LRP1B: variants seen among roughly 807,000 people sequenced by gnomAD.
LRP1B encodes LDL receptor related protein 1B.
LRP1B carries 217 observed loss-of-function variants against 556.6 expected under a neutral mutation model. The observed-to-expected ratio is 0.39, with a 90% CI of 0.35 to 0.44. The LOEUF (loss-of-function observed/expected upper bound fraction) is 0.44. Among genes scored for constraint, LRP1B ranks in the 20% least tolerant of loss-of-function variants. The pLI is 1.00. For missense variants in LRP1B, 5,053 were observed against 5,620.8 expected, an observed-to-expected ratio of 0.90 and a Z score of 3.23; for synonymous variants, 2,047 against 1,865.8, an observed-to-expected ratio of 1.10 and a Z score of -2.50.
chr2:140,849,445 AT>A (rs1692388905), intron 29 of LRP1B, among the ~76,000 whole-genome samples: 1 of 151,804 alleles, frequency 6.6e-6, no homozygotes, highest in Non-Finnish European at 1.5e-5. Flanking sequence ...GTCCTTCCTA[AT>A]ATCCTATATT....
At chr2:140,541,702 C>T in intron 44 of LRP1B, 77 bp downstream of exon 44, 1 of 1,103,570 alleles carries the variant, frequency 9.1e-7, no homozygotes, top group Non-Finnish European at 1.3e-6. Flanking sequence ...CCAACTATTA[C>T]TAGAAAACAT....
chr2:141,824,848 C>A (rs866816868), intron 1 of LRP1B, among the ~76,000 whole-genome samples: 9 of 152,096 alleles, frequency 5.9e-5, no homozygotes, highest in Middle Eastern at 3.2e-3. Flanking sequence ...AATCTCATCT[C>A]GAATTGTAAT....
Position 140,909,845 on chromosome 2 carries a change from G to A in LRP1B, c.3320-1768C>T, listed in dbSNP as rs187155997. Among the ~76,000 whole-genome samples the A allele has an allele frequency of 1.7e-3, 261 of 150,614 alleles. 1 individual carries two copies. The highest frequency in any genetic ancestry group is 5.7e-3 in the African/African-American group (234 of 41,338). On this transcript the variant is annotated intron_variant, in intron 21 of 90. Transcript: ENST00000389484. ...TAGAGAGCATATACTAGAAGAAAAG[G>A]CCAATTAAAATTTTATCATAAAAAA... is the stretch of plus-strand genomic sequence containing the variant.
intron 41 of LRP1B, among the ~76,000 whole-genome samples, chr2:140,652,488 T>C (rs1050214421): frequency 1.3e-5 from 2 of 152,074 alleles, no homozygotes; most frequent in African/African-American, 4.8e-5. Context: ...ATTCTGGATA[T>C]TTTTAATATT....
At chr2:140,725,824 C>T (rs1406773139) in intron 35 of LRP1B, among the ~76,000 whole-genome samples, 1 of 152,104 alleles carries the variant, frequency 6.6e-6, no homozygotes, top group Non-Finnish European at 1.5e-5. Context: ...TCTTCTTCTT[C>T]ATCTCAATTT....
At chr2:142,069,255 G>A (rs1705224947) in intron 1 of LRP1B, among the ~76,000 whole-genome samples, 1 of 151,608 alleles carries the variant, frequency 6.6e-6, no homozygotes, top group South Asian at 2.1e-4. Context: ...GAAGTTTGAA[G>A]AGAATTTTAC....
chr2:141,148,865 C>T (rs924398293), intron 7 of LRP1B, among the ~76,000 whole-genome samples: 19 of 152,246 alleles, frequency 1.2e-4, no homozygotes, highest in African/African-American at 4.6e-4. Context: ...AGGCGGATCA[C>T]TTGAGGTTGG....
intron 14 of LRP1B, among the ~76,000 whole-genome samples, chr2:141,008,119 C>G (rs1410102751): frequency 6.6e-6 from 1 of 150,962 alleles, no homozygotes; most frequent in Non-Finnish European, 1.5e-5. Context: ...TAAAAATATC[C>G]TCTTTAAAAC....
chr2:140,741,368 A>T (rs560361556), intron 35 of LRP1B, among the ~76,000 whole-genome samples: 1 of 152,304 alleles, frequency 6.6e-6, no homozygotes, highest in South Asian at 2.1e-4. Flanking sequence ...AACTGAACAG[A>T]AACACTTAGA....
chr2:140,882,163 T>G (rs754806075), intron 25 of LRP1B, among the ~76,000 whole-genome samples: 34 of 152,204 alleles, frequency 2.2e-4, no homozygotes, highest in Non-Finnish European at 4.9e-4. Context: ...TTTCCCTTGC[T>G]GACACAACTT....
At chr2:141,676,943 G>A (rs530172415) in intron 2 of LRP1B, among the ~76,000 whole-genome samples, 60 of 152,128 alleles carry the variant, frequency 3.9e-4, no homozygotes, top group African/African-American at 1.4e-3. Flanking sequence ...AGAGATATGA[G>A]TTCTGTTTTT....
intron 3 of LRP1B, among the ~76,000 whole-genome samples, chr2:141,280,373 C>T (rs1478983966): frequency 1.3e-5 from 2 of 151,954 alleles, no homozygotes; most frequent in African/African-American, 2.4e-5. Flanking sequence ...TTTGATGTCC[C>T]TAACATTTAT....
At position 141,870,695 on chromosome 2, in the gene LRP1B, T is replaced by C. The variant is rs547820491; in HGVS notation, c.83-60294A>G. On this transcript the variant is annotated intron_variant, in intron 1 of 90. Coordinates refer to ENST00000389484, the MANE Select transcript of LRP1B (RefSeq NM_018557.3). ...AATTAAGCACAAATCCAACTTTTCT[T>C]ATATTTGCTGTAGGAGTCATAGGAT... 4.6e-5 allele frequency among the ~76,000 whole-genome samples: 7 copies of C among 152,032 alleles called. No homozygotes were observed. In the South Asian group the frequency reaches 6.2e-4, roughly 13 times the overall value.
Position 140,517,505 on chromosome 2 carries a change from A to T in LRP1B, c.8027-494T>A, listed in dbSNP as rs181497759. On this transcript the variant is annotated intron_variant, in intron 49 of 90. Coordinates refer to ENST00000389484, the MANE Select transcript of LRP1B (RefSeq NM_018557.3). The stretch of plus-strand genomic sequence containing the variant: ...CCATCTATTTGGAGTATTCCTTAAC[A>T]GGATTTAAACAATTATTCTGTATTT... Among the ~76,000 whole-genome samples, 20 of 152,186 alleles carry T rather than the reference A, an allele frequency of 1.3e-4. 1 individual carries two copies. The highest frequency in any genetic ancestry group is 1.0e-3 in the Admixed American group (16 of 15,266).
intron 45 of LRP1B, among the ~76,000 whole-genome samples, chr2:140,539,334 G>A (rs191164046): frequency 6.6e-6 from 1 of 152,208 alleles, no homozygotes; most frequent in African/African-American, 2.4e-5. Flanking sequence ...ACAAGGAGGA[G>A]CCAAGAGTTA....
intron 1 of LRP1B, among the ~76,000 whole-genome samples, chr2:141,917,559 T>A (rs1390882393): frequency 6.6e-6 from 1 of 152,210 alleles, no homozygotes; most frequent in Non-Finnish European, 1.5e-5. Context: ...TCTATTAAGA[T>A]TCTAAGTCTT....
At chr2:140,470,550 CAGG>C (rs1687719942) in intron 60 of LRP1B, among the ~76,000 whole-genome samples, 1 of 140,552 alleles carries the variant, frequency 7.1e-6, no homozygotes, top group African/African-American at 2.6e-5. Flanking sequence ...GAGGCTGAGG[CAGG>C]AGAATGGCAT....
intron 18 of LRP1B, among the ~76,000 whole-genome samples, chr2:140,953,904 T>G (rs1386647536): frequency 6.6e-6 from 1 of 152,168 alleles, no homozygotes. Context: ...TACACTCTAT[T>G]ACCAATTTCC....
rs192620832 is a variant in LRP1B at position 141,932,360 on chromosome 2, C to T, written c.83-121959G>A. Reference sequence around the variant, plus strand: ...ACAGAGTACACCGTTCATTACTTTGCAATTGTAAAGCACTATATAATACAA... The same window carrying T: ...ACAGAGTACACCGTTCATTACTTTGTAATTGTAAAGCACTATATAATACAA... On this transcript the variant is annotated intron_variant, in intron 1 of 90. Transcript: ENST00000389484. 5.9e-5 allele frequency among the ~76,000 whole-genome samples: 9 copies of T among 152,110 alleles called. No homozygotes were observed. In the East Asian group the frequency reaches 1.7e-3, roughly 29 times the overall value.
Sources: gnomAD v4.1 joint callset for allele counts (sites outside exome capture counted in the v4.1 genomes callset) on GRCh38, gnomAD v4.1.1 for gene constraint, MANE v1.5 for transcripts, NCBI Gene and HGNC (gene_info 2026-07-23, HGNC 2026-07-21) for gene names.